FRMD4B: variants seen among roughly 807,000 people sequenced by gnomAD.
The protein encoded by FRMD4B is FERM domain-containing protein 4B.
FRMD4B carries 74 observed loss-of-function variants against 141.5 expected under a neutral mutation model. The observed-to-expected ratio is 0.52, with a 90% CI of 0.43 to 0.63. The LOEUF (loss-of-function observed/expected upper bound fraction) is 0.63, where lower values mean the gene tolerates loss of function less well. FRMD4B is among the 30% of genes least tolerant of loss of function. The pLI, the probability that FRMD4B is intolerant of heterozygous loss-of-function variation, is 0.00. For missense variants in FRMD4B, 1,366 were observed against 1,253.4 expected, an observed-to-expected ratio of 1.09 and a Z score of -1.36; for synonymous variants, 506 against 467.9, an observed-to-expected ratio of 1.08 and a Z score of -1.05.
chr3:69,515,912 G>A (rs1482168506), intron 1 of FRMD4B, among the ~76,000 whole-genome samples: 1 of 152,062 alleles, frequency 6.6e-6, no homozygotes, highest in East Asian at 1.9e-4. Context: ...TTGCATCTTT[G>A]GTTAAGCAGA....
chr3:69,221,276 G>T (rs146272570), intron 9 of FRMD4B, among the ~76,000 whole-genome samples: 3,318 of 152,050 alleles, frequency 0.022, 64 homozygotes, highest in Non-Finnish European at 0.029. Context: ...CTTAATAATG[G>T]GTGGTAACTC....
chr3:69,173,038 T>C (rs529815548), intron 22 of FRMD4B, among the ~76,000 whole-genome samples: 6 of 152,302 alleles, frequency 3.9e-5, no homozygotes, highest in African/African-American at 1.4e-4. Flanking sequence ...GGTACTGTAC[T>C]TACTACAGCT....
At chr3:69,487,588 A>G (rs1337731860) in intron 1 of FRMD4B, among the ~76,000 whole-genome samples, 1 of 152,226 alleles carries the variant, frequency 6.6e-6, no homozygotes, top group African/African-American at 2.4e-5. Flanking sequence ...GGCAATGGAT[A>G]AATCCACAGG....
intron 1 of FRMD4B, among the ~76,000 whole-genome samples, chr3:69,498,800 C>T (rs767136516): frequency 2.0e-5 from 3 of 152,130 alleles, no homozygotes; most frequent in Non-Finnish European, 2.9e-5. Context: ...TTATTCAAAG[C>T]TTATATTTAT....
At chr3:69,182,052 T>C (rs2092713946) in intron 20 of FRMD4B, among the ~76,000 whole-genome samples, 1 of 152,132 alleles carries the variant, frequency 6.6e-6, no homozygotes, top group Non-Finnish European at 1.5e-5. Flanking sequence ...CAACGTGTCT[T>C]TGGAGGGTCC....
At chr3:69,529,539 C>A (rs1575602055) in intron 1 of FRMD4B, among the ~76,000 whole-genome samples, 1 of 152,118 alleles carries the variant, frequency 6.6e-6, no homozygotes, top group Non-Finnish European at 1.5e-5. Flanking sequence ...ACTGTGCTGC[C>A]CACACTGCCC....
At chr3:69,247,543 G>A (rs956044859) in intron 7 of FRMD4B, among the ~76,000 whole-genome samples, 1 of 152,222 alleles carries the variant, frequency 6.6e-6, no homozygotes, top group African/African-American at 2.4e-5. Flanking sequence ...CTGGAGTGCA[G>A]TGGCGCGATC....
rs762934128 is a variant in FRMD4B at position 69,195,212 on chromosome 3, C to A, written c.1368+19G>T. 6.2e-7 allele frequency: 1 copy of A among 1,612,372 alleles called. No homozygotes were observed. The highest frequency in any genetic ancestry group is 1.1e-5 in the South Asian group (1 of 90,788). The stretch of plus-strand genomic sequence containing the variant: ...AAGTTGTCAAACACAACTTGATGAG[C>A]CCCAAAAAGCAGACTCACAGCCTCC... On this transcript the variant is annotated intron_variant, in intron 15 of 22. Coordinates refer to ENST00000398540, the MANE Select transcript of FRMD4B (RefSeq NM_015123.3).
At chr3:69,480,376 T>C (rs1706098775) in intron 1 of FRMD4B, among the ~76,000 whole-genome samples, 1 of 152,136 alleles carries the variant, frequency 6.6e-6, no homozygotes, top group African/African-American at 2.4e-5. Context: ...GATGTTCAGA[T>C]GGGTTTTTGG....
intron 1 of FRMD4B, among the ~76,000 whole-genome samples, chr3:69,325,531 A>G (rs1474371478): frequency 6.6e-6 from 1 of 152,236 alleles, no homozygotes; most frequent in East Asian, 1.9e-4. Flanking sequence ...GCCTAGTGTC[A>G]ATGAGAAGCA....
chr3:69,204,529 A>G (rs944673306), intron 11 of FRMD4B, among the ~76,000 whole-genome samples: 2 of 152,230 alleles, frequency 1.3e-5, no homozygotes, highest in Non-Finnish European at 2.9e-5. Flanking sequence ...GTGAAGCCAA[A>G]CAAAATCACT....
intron 11 of FRMD4B, among the ~76,000 whole-genome samples, chr3:69,212,136 G>A (rs1471216949): frequency 3.3e-5 from 5 of 151,438 alleles, no homozygotes; most frequent in Admixed American, 3.3e-4. Context: ...GAGGCAGGTG[G>A]ATTGCCTGAG....
intron 11 of FRMD4B, among the ~76,000 whole-genome samples, chr3:69,209,194 C>T (rs2093052859): frequency 6.6e-6 from 1 of 151,990 alleles, no homozygotes; most frequent in African/African-American, 2.4e-5. Flanking sequence ...CCAGGGCCAC[C>T]CACCTAGAGA....
intron 5 of FRMD4B, among the ~76,000 whole-genome samples, chr3:69,284,136 C>T (rs2093656710): frequency 6.6e-6 from 1 of 152,134 alleles, no homozygotes; most frequent in Admixed American, 6.5e-5. Flanking sequence ...CACAGCAGAA[C>T]ACAGTGAACT....
chr3:69,340,701 T>C (rs551051404), intron 1 of FRMD4B, among the ~76,000 whole-genome samples: 7 of 152,318 alleles, frequency 4.6e-5, no homozygotes, highest in Middle Eastern at 3.4e-3. Context: ...GATGAGCTGA[T>C]GTACATAGAG....
At chr3:69,339,880 A>G (rs1018588879) in intron 1 of FRMD4B, among the ~76,000 whole-genome samples, 1 of 152,162 alleles carries the variant, frequency 6.6e-6, no homozygotes, top group Non-Finnish European at 1.5e-5. Context: ...TTGACAGGGC[A>G]GTTTAGCTTC....
intron 22 of FRMD4B, among the ~76,000 whole-genome samples, chr3:69,172,444 A>G (rs146775552): frequency 2.0e-4 from 31 of 152,292 alleles, no homozygotes; most frequent in African/African-American, 7.5e-4. Flanking sequence ...CCATCCTGCT[A>G]GTTCACTTAT....
intron 1 of FRMD4B, among the ~76,000 whole-genome samples, chr3:69,535,477 ATTAT>A (rs1701070016): frequency 2.0e-5 from 3 of 152,242 alleles, no homozygotes; most frequent in Non-Finnish European, 2.9e-5. Flanking sequence ...TAGTTCTACT[ATTAT>A]TTGTTGAGCC....
chr3:69,235,177 T>A (rs1575641074), intron 7 of FRMD4B, among the ~76,000 whole-genome samples: 2 of 130,780 alleles, frequency 1.5e-5, no homozygotes, highest in East Asian at 2.3e-4. Flanking sequence ...ATAATAATAA[T>A]AATAATAATA....
Sources: allele counts gnomAD v4.1 joint callset (sites outside exome capture counted in the v4.1 genomes callset), GRCh38; gene constraint gnomAD v4.1.1; transcripts MANE v1.5; gene names NCBI Gene and HGNC (gene_info 2026-07-23, HGNC 2026-07-21).